Variants in CALN1 observed in about 807,000 individuals in gnomAD.
CALN1 encodes calcium-binding protein 8.
Under a neutral mutation model 30.6 loss-of-function variants are expected in CALN1, and 17 were observed. That is an observed-to-expected ratio of 0.56 (90% CI 0.38 to 0.83). CALN1 has a LOEUF of 0.83. CALN1 is among the 40% of genes least tolerant of loss of function. The pLI, the probability that CALN1 is intolerant of heterozygous loss-of-function variation, is 0.00. For missense variants in CALN1, 291 were observed against 354.9 expected (o/e 0.82, Z 1.45); for synonymous variants, 156 against 131.4 (o/e 1.19, Z -1.28).
intron 5 of CALN1, among the ~76,000 whole-genome samples, chr7:71,878,859 C>A (rs1792406031): frequency 6.6e-6 from 1 of 152,234 alleles, no homozygotes; most frequent in Admixed American, 6.5e-5. Flanking sequence ...CCAGAGACCA[C>A]AGCCGTGGAG....
At chr7:71,882,048 C>A (rs1792601954) in intron 5 of CALN1, among the ~76,000 whole-genome samples, 1 of 152,050 alleles carries the variant, frequency 6.6e-6, no homozygotes, top group Admixed American at 6.6e-5. Context: ...TCCAGCCTGA[C>A]AGAGTCAGAC....
At chr7:72,387,888 T>C (rs181624905) in intron 2 of CALN1, among the ~76,000 whole-genome samples, 123 of 152,022 alleles carry the variant, frequency 8.1e-4, no homozygotes, top group African/African-American at 2.4e-3. Context: ...TTGGGGAGAA[T>C]TGGGGGATAG....
At chr7:72,041,259 T>C (rs1802107190) in intron 4 of CALN1, among the ~76,000 whole-genome samples, 1 of 152,112 alleles carries the variant, frequency 6.6e-6, no homozygotes, top group Non-Finnish European at 1.5e-5. Context: ...TCTAGTAATG[T>C]TCAATGCCAC....
chr7:72,115,083 T>G (rs1484090575), intron 3 of CALN1, among the ~76,000 whole-genome samples: 2 of 147,988 alleles, frequency 1.4e-5, no homozygotes, highest in Non-Finnish European at 3.0e-5. Context: ...ACATTATATA[T>G]GGACATTATA....
intron 4 of CALN1, among the ~76,000 whole-genome samples, chr7:72,099,333 A>G (rs1806479328): frequency 6.8e-6 from 1 of 146,046 alleles, no homozygotes; most frequent in South Asian, 2.1e-4. Context: ...TTACTTTTGC[A>G]TCAACCTAAT....
At chr7:72,447,346 A>C (rs1227555650), upstream of CALN1, among the ~76,000 whole-genome samples, 1 of 152,074 alleles carries the variant, frequency 6.6e-6, no homozygotes, top group Non-Finnish European at 1.5e-5. Flanking sequence ...CGGGGCTGAG[A>C]AGGTGGAAAA....
chr7:71,854,829 T>C (rs952221315), intron 5 of CALN1, among the ~76,000 whole-genome samples: 2 of 152,232 alleles, frequency 1.3e-5, no homozygotes, highest in African/African-American at 2.4e-5. Flanking sequence ...AGAAAAACTA[T>C]ATAATGTGAA....
In CALN1 at chr7:71,860,584, G is replaced by C. The variant is rs1325048684; in HGVS notation, c.502-50092C>G. 2.0e-5 allele frequency among the ~76,000 whole-genome samples: 3 copies of C among 152,248 alleles called. 1 individual carries two copies. The East Asian group carries it at 5.8e-4, about 29-fold the overall frequency. ...GAATTCTTTCTTGGGTGAGATCCAG[G>C]AACCCTCTCTTGGGGGCTGAATCAG... On this transcript the variant is annotated intron_variant, in intron 5 of 6. Transcript: ENST00000395275.
At chr7:72,074,952 A>G (rs563082547) in intron 4 of CALN1, among the ~76,000 whole-genome samples, 5 of 152,248 alleles carry the variant, frequency 3.3e-5, no homozygotes, top group Non-Finnish European at 7.3e-5. Context: ...AAAACTTATT[A>G]ATTAAATGGT....
intron 5 of CALN1, among the ~76,000 whole-genome samples, chr7:71,878,561 C>T (rs947769957): frequency 6.6e-6 from 1 of 152,084 alleles, no homozygotes; most frequent in African/African-American, 2.4e-5. Context: ...ACAGGTATGA[C>T]AGAATCCCTA....
At chr7:72,498,666 G>A in the CALN1 span, among the ~76,000 whole-genome samples, 5,565 of 152,106 alleles carry the variant, frequency 0.037, 138 homozygotes, top group Non-Finnish European at 0.057. Flanking sequence ...TCTTTACCAC[G>A]AGAAGTGCTA....
chr7:72,111,144 G>A (rs1051573328), intron 3 of CALN1, among the ~76,000 whole-genome samples: 1 of 152,176 alleles, frequency 6.6e-6, no homozygotes, highest in Non-Finnish European at 1.5e-5. Flanking sequence ...ACACGTGCAC[G>A]TTAGACACTA....
rs192065187 is a variant in CALN1 at position 71,929,624 on chromosome 7, C to T, written c.501+94033G>A. Among the ~76,000 whole-genome samples the T allele has an allele frequency of 6.2e-3, 948 of 152,258 alleles. 10 individuals are homozygous for T. The highest frequency in any genetic ancestry group is 0.021 in the African/African-American group (888 of 41,544). On this transcript the variant is annotated intron_variant, in intron 5 of 6. Coordinates refer to ENST00000395275, the MANE Select transcript of CALN1 (RefSeq NM_031468.4). ...AATAATATTCCATTGTATGGATATG[C>T]CACTTTTGTTTATTCATCAGCTGAA...
In CALN1 at chr7:71,942,016, T is replaced by C. The variant is rs11981933; in HGVS notation, c.501+81641A>G. Among the ~76,000 whole-genome samples the C allele has an allele frequency of 2.1e-3, 315 of 152,122 alleles. 1 individual carries two copies. The highest frequency in any genetic ancestry group is 7.3e-3 in the African/African-American group (301 of 41,500). On this transcript the variant is annotated intron_variant, in intron 5 of 6. Coordinates refer to ENST00000395275, the MANE Select transcript of CALN1 (RefSeq NM_031468.4). The stretch of plus-strand genomic sequence containing the variant: ...GAGTTCCAGACCAGCCTGGCCAACA[T>C]AGTGAAACCCTGTCTCTACTAAAAA...
Position 72,368,149 on chromosome 7 carries a change from A to G in CALN1, c.119+35102T>C, listed in dbSNP as rs971583425. On this transcript the variant is annotated intron_variant, in intron 2 of 6. Transcript: ENST00000395275. ...AAAATACATATCTGTATCTATATCT[A>G]TGTGTGTGTATATATATATGTGTAT... Among the ~76,000 whole-genome samples, 14 of 150,418 alleles carry G rather than the reference A, an allele frequency of 9.3e-5. No homozygotes were observed. The South Asian group carries it at 2.3e-3, about 25-fold the overall frequency.
the CALN1 span, among the ~76,000 whole-genome samples, chr7:72,465,016 C>A: frequency 6.6e-6 from 1 of 152,144 alleles, no homozygotes; most frequent in Non-Finnish European, 1.5e-5. Flanking sequence ...CAGAGGAACA[C>A]CCACTGGTAT....
At chr7:72,444,714 A>G (rs1427109154) in intron 1 of CALN1, among the ~76,000 whole-genome samples, 1 of 152,236 alleles carries the variant, frequency 6.6e-6, no homozygotes, top group Non-Finnish European at 1.5e-5. Flanking sequence ...AATTGAAAGA[A>G]GAGATACTCC....
chr7:71,896,433 C>A (rs1373284755), intron 5 of CALN1, among the ~76,000 whole-genome samples: 1 of 152,170 alleles, frequency 6.6e-6, no homozygotes, highest in Non-Finnish European at 1.5e-5. Context: ...AATAGCTGAG[C>A]AGGTTAAAAT....
chr7:71,846,412 C>A (rs1246860192), intron 5 of CALN1, among the ~76,000 whole-genome samples: 1 of 152,078 alleles, frequency 6.6e-6, no homozygotes, highest in Non-Finnish European at 1.5e-5. Flanking sequence ...AAGAAAGGAG[C>A]CCGCAGTTTT....
Sources: allele counts gnomAD v4.1 joint callset (sites outside exome capture counted in the v4.1 genomes callset), GRCh38; gene constraint gnomAD v4.1.1; transcripts MANE v1.5; gene names NCBI Gene and HGNC (gene_info 2026-07-23, HGNC 2026-07-21).